FAM118B: variants seen among roughly 807,000 people sequenced by gnomAD.
FAM118B encodes the protein protein FAM118B.
A neutral mutation model predicts 38.5 loss-of-function variants in FAM118B; 24 were observed. The observed-to-expected ratio is 0.62, with a 90% confidence interval of 0.45 to 0.88. The LOEUF (loss-of-function observed/expected upper bound fraction) is 0.88, where lower values mean the gene tolerates loss of function less well. Ranked by LOEUF, FAM118B falls within the 40% of genes least tolerant of loss-of-function variation. FAM118B has a pLI of 0.00. For synonymous variants in FAM118B, 138 were observed against 156.3 expected (o/e 0.88, Z 0.87); for missense variants, 334 against 420.0 (o/e 0.80, Z 1.79).
intron 3 of FAM118B, among the ~76,000 whole-genome samples, chr11:126,235,646 G>T (rs1002384118): frequency 1.3e-5 from 2 of 152,152 alleles, no homozygotes; most frequent in African/African-American, 4.8e-5. Flanking sequence ...AGCCTCCTGA[G>T]TAGCTGAGAT....
At chr11:126,243,804 T>G (rs1460733338) in intron 4 of FAM118B, among the ~76,000 whole-genome samples, 1 of 150,992 alleles carries the variant, frequency 6.6e-6, no homozygotes, top group Admixed American at 6.7e-5. Context: ...CCCAGGAGGC[T>G]GAGGCAGGAG....
chr11:126,259,685 A>G (rs1413768048), intron 7 of FAM118B, among the ~76,000 whole-genome samples: 2 of 151,040 alleles, frequency 1.3e-5, no homozygotes, highest in Non-Finnish European at 1.5e-5. Context: ...CTGGCCTCCC[A>G]AAGTGCTGGG....
intron 4 of FAM118B, among the ~76,000 whole-genome samples, chr11:126,247,902 C>T (rs1335914911): frequency 6.3e-5 from 9 of 143,856 alleles, no homozygotes; most frequent in Non-Finnish European, 1.4e-4. Context: ...TATAGATATA[C>T]GTATATCTAT....
chr11:126,238,718 A>G (rs1950314110), intron 3 of FAM118B, among the ~76,000 whole-genome samples: 1 of 152,150 alleles, frequency 6.6e-6, no homozygotes, highest in African/African-American at 2.4e-5. Context: ...TGATTCTCCT[A>G]TTTTAGCCCC....
intron 1 of FAM118B, among the ~76,000 whole-genome samples, chr11:126,219,509 A>G (rs1332865476): frequency 1.8e-4 from 28 of 151,584 alleles, no homozygotes; most frequent in Admixed American, 1.4e-3. Context: ...GACCATAGGC[A>G]TATGCCACCA....
chr11:126,247,003 T>A (rs1325759463), intron 4 of FAM118B, among the ~76,000 whole-genome samples: 1 of 152,196 alleles, frequency 6.6e-6, no homozygotes, highest in Non-Finnish European at 1.5e-5. Flanking sequence ...TACACAAATT[T>A]TAAAATTAGC....
chr11:126,221,859 T>G (rs1425890274), intron 1 of FAM118B, among the ~76,000 whole-genome samples: 1 of 152,092 alleles, frequency 6.6e-6, no homozygotes, highest in Non-Finnish European at 1.5e-5. Flanking sequence ...ACAATTTCAT[T>G]GAATTTTGCC....
Position 126,256,472 on chromosome 11 carries a change from C to G in FAM118B, c.697-95C>G. ...CCCACTTAAGTCTTGCTTAATTGGT[C>G]ATCACAGTCTGCTCAACGTAGCATG... On this transcript the variant is annotated intron_variant, in intron 6 of 8. Transcript: ENST00000533050. This position sits in a 1 kb window ranked among gnomAD's most constrained non-coding sequence, Gnocchi z 6.6. 8.6e-7 allele frequency: 1 copy of G among 1,157,516 alleles called. No homozygotes were observed. Among genetic ancestry groups the G allele is most frequent in the South Asian group, 1.5e-5 (1 of 67,686 alleles). The allele number at this position is 1,157,516 out of a possible 1,614,324, so 71.7% of individuals were successfully genotyped here.
At chr11:126,259,581 A>C (rs1950641695) in intron 7 of FAM118B, among the ~76,000 whole-genome samples, 5 of 151,884 alleles carry the variant, frequency 3.3e-5, no homozygotes, top group Admixed American at 3.3e-4. Context: ...GCCCACCACC[A>C]TGCCCGGCTA....
intron 3 of FAM118B, among the ~76,000 whole-genome samples, chr11:126,239,592 C>T (rs140539086): frequency 2.0e-5 from 3 of 152,262 alleles, no homozygotes; most frequent in African/African-American, 7.2e-5. Context: ...ACATGACTCC[C>T]GTAGTGTCTG....
chr11:126,252,000 TTTTGA>T (rs1950510535), intron 5 of FAM118B, among the ~76,000 whole-genome samples: 3 of 151,594 alleles, frequency 2.0e-5, no homozygotes, highest in African/African-American at 7.3e-5. Flanking sequence ...TTTTGTTTTG[TTTTGA>T]GATGGAGTTT....
Position 126,250,516 on chromosome 11 carries a change from A to G in FAM118B, c.350A>G (p.Asn117Ser). 6.2e-7 allele frequency: 1 copy of G among 1,613,306 alleles called. No homozygotes were observed. Among genetic ancestry groups the G allele is most frequent in the Non-Finnish European group, 8.5e-7 (1 of 1,179,240 alleles). Residue 117 changes from asparagine to serine, a missense_variant, in exon 5 of 9, where the codon AAT (asparagine) becomes AGT (serine). This residue lies in a region of FAM118B where 240 missense variants were observed against 295.9 expected (regional missense o/e 0.81). Transcript: ENST00000533050. The surrounding 1 kb of genome is among the most constrained non-coding windows in gnomAD (Gnocchi z 5.1). Reference sequence around the variant, plus strand: ...CAAATCCCTCCTCAGCGTACCAGTAATGTTCGATCCACATTTTTCAAGGAC... The same window carrying G: ...CAAATCCCTCCTCAGCGTACCAGTAGTGTTCGATCCACATTTTTCAAGGAC... ...LIQKLSPRTS[N>S]VRSTFFKDCL...
intron 4 of FAM118B, among the ~76,000 whole-genome samples, chr11:126,249,748 A>AG (rs1295740031): frequency 3.3e-5 from 5 of 150,068 alleles, no homozygotes; most frequent in Non-Finnish European, 5.9e-5. Flanking sequence ...AAAAAAAAAA[A>AG]AAAAAAGAAA....
At chr11:126,229,411 A>G (rs1474342604) in intron 2 of FAM118B, 118 bp downstream of exon 2, 11 of 152,180 alleles carry the variant, frequency 7.2e-5, no homozygotes, top group Non-Finnish European at 1.5e-4. Flanking sequence ...GCTTTATAAT[A>G]GAAAATAACA....
At chr11:126,261,228 C>T in intron 7 of FAM118B, 197 bp from the exon 8 acceptor site, 1 of 564,206 alleles carries the variant, frequency 1.8e-6, no homozygotes, top group East Asian at 2.8e-5. Context: ...TCACTGCTTC[C>T]CTGTTAGGTA....
chr11:126,225,919 T>G (rs1950134246), intron 1 of FAM118B, among the ~76,000 whole-genome samples: 1 of 152,206 alleles, frequency 6.6e-6, no homozygotes, highest in South Asian at 2.1e-4. Flanking sequence ...AGATGGAGGT[T>G]GCAGTGAGCT....
In FAM118B at chr11:126,250,770, T is replaced by C. The variant is rs376032816; in HGVS notation, c.567+37T>C. 1.4e-6 allele frequency: 2 copies of C among 1,475,850 alleles called. No individual in the cohort carries two copies. Among genetic ancestry groups the C allele is most frequent in the Non-Finnish European group, 9.4e-7 (1 of 1,068,024 alleles). The allele number at this position is 1,475,850 out of a possible 1,614,324, so 91.4% of individuals were successfully genotyped here. On this transcript the variant is annotated intron_variant, in intron 5 of 8. Coordinates refer to ENST00000533050, the MANE Select transcript of FAM118B (RefSeq NM_024556.4). This position sits in a 1 kb window ranked among gnomAD's most constrained non-coding sequence, Gnocchi z 5.1. ...AGCATTGGTCCCTTCTTCAGGCTAG[T>C]GGATTTTATCTTCCTCAGAAAAGCT... is the stretch of plus-strand genomic sequence containing the variant.
Position 126,250,478 on chromosome 11 carries a change from A to G in FAM118B, c.340-28A>G, listed in dbSNP as rs1950487539. 6.6e-7 allele frequency: 1 copy of G among 1,519,656 alleles called. No homozygotes were observed. The highest frequency in any genetic ancestry group is 9.1e-7 in the Non-Finnish European group (1 of 1,097,042). 94.1% of individuals were successfully genotyped at this position (1,519,656 alleles called of 1,614,324 possible). A position where few individuals can be genotyped will look rare whatever the true frequency, so the allele number is the denominator to read the frequency against. On this transcript the variant is annotated intron_variant, in intron 4 of 8. Transcript: ENST00000533050. The surrounding 1 kb of genome is among the most constrained non-coding windows in gnomAD (Gnocchi z 5.1). The stretch of plus-strand genomic sequence containing the variant: ...CTGACCTACCAAAGCACTTTGGACT[A>G]ATTTTCTTTTTTCAAATCCCTCCTC...
intron 1 of FAM118B, among the ~76,000 whole-genome samples, chr11:126,212,504 CAG>C (rs1376478139): frequency 1.3e-5 from 2 of 152,176 alleles, no homozygotes; most frequent in African/African-American, 2.4e-5. Flanking sequence ...TGATTTCACT[CAG>C]GGGTGGCTGG....
Sources: allele counts gnomAD v4.1 joint callset (sites outside exome capture counted in the v4.1 genomes callset), GRCh38; gene constraint gnomAD v4.1.1; regional missense constraint gnomAD v4.1.1; non-coding constraint Gnocchi (gnomAD v3.1); transcripts MANE v1.5; gene names NCBI Gene and HGNC (gene_info 2026-07-23, HGNC 2026-07-21).